NDUFA5: variants seen among roughly 807,000 people sequenced by gnomAD.
The protein encoded by NDUFA5 is NADH dehydrogenase [ubiquinone] 1 alpha subcomplex subunit 5.
In NDUFA5, 11 loss-of-function variants were observed where a neutral mutation model predicts 19.8. That is an observed-to-expected ratio of 0.56 (90% CI 0.35 to 0.92). NDUFA5 has a LOEUF of 0.92. Ranked by LOEUF, NDUFA5 falls within the 40% of genes least tolerant of loss-of-function variation. NDUFA5 has a pLI of 0.01. For missense variants in NDUFA5, 109 were observed against 134.2 expected (o/e 0.81, Z 0.93); for synonymous variants, 47 against 46.8 (o/e 1.00, Z -0.01).
At chr7:123,561,572 T>A (rs1798687907), upstream of NDUFA5, among the ~76,000 whole-genome samples, 1 of 151,578 alleles carries the variant, frequency 6.6e-6, no homozygotes, top group African/African-American at 2.4e-5. Flanking sequence ...AAACTCCTGT[T>A]AATATTGATA....
chr7:123,568,350 T>TAA, the NDUFA5 span, among the ~76,000 whole-genome samples: 1 of 143,024 alleles, frequency 7.0e-6, no homozygotes, highest in African/African-American at 2.6e-5. Context: ...CCATCTCTAC[T>TAA]AAAAAAAAAA....
rs551464392 is a variant in NDUFA5, at chr7:123,552,008, A to G, written c.67-1422T>C. On this transcript the variant is annotated intron_variant, in intron 2 of 4. Coordinates refer to ENST00000355749, the MANE Select transcript of NDUFA5 (RefSeq NM_005000.5). Reference sequence around the variant, plus strand: ...CAATAGGGTGGACACTTAGTTTATCATCCAAACTTGGACACTTATAACAGT... The same window carrying G: ...CAATAGGGTGGACACTTAGTTTATCGTCCAAACTTGGACACTTATAACAGT... Among the ~76,000 whole-genome samples the G allele has an allele frequency of 1.2e-4, 18 of 152,296 alleles. No individual in the cohort carries two copies. In the East Asian group the frequency reaches 3.3e-3, roughly 28 times the overall value.
the NDUFA5 span, among the ~76,000 whole-genome samples, chr7:123,584,065 A>T: frequency 6.6e-6 from 1 of 152,020 alleles, no homozygotes; most frequent in East Asian, 1.9e-4. Flanking sequence ...TGCTTTGGTG[A>T]GCTCTTCTAG....
chr7:123,562,675 C>T (rs1230309539), upstream of NDUFA5, among the ~76,000 whole-genome samples: 2 of 152,110 alleles, frequency 1.3e-5, no homozygotes, highest in African/African-American at 4.8e-5. Flanking sequence ...AGAGTCAGGG[C>T]CTTGCTCTGG....
At chr7:123,577,772 C>T in the NDUFA5 span, among the ~76,000 whole-genome samples, 2 of 152,066 alleles carry the variant, frequency 1.3e-5, no homozygotes, top group Non-Finnish European at 2.9e-5. Flanking sequence ...GCTCATGTTT[C>T]TTCATCTTAT....
the NDUFA5 span, among the ~76,000 whole-genome samples, chr7:123,566,257 C>A: frequency 6.6e-6 from 1 of 152,108 alleles, no homozygotes; most frequent in Non-Finnish European, 1.5e-5. Context: ...CCCAAACCAC[C>A]AGAAGTTAGG....
At chr7:123,562,798 CTT>C (rs35492926), upstream of NDUFA5, among the ~76,000 whole-genome samples, 53,428 of 135,592 alleles carry the variant, frequency 0.39, 9,723 homozygotes, top group South Asian at 0.46. Context: ...TTCTTTCTTT[CTT>C]TTTTTTTTTT....
intron 2 of NDUFA5, chr7:123,556,588 G>T: frequency 4.2e-6 from 1 of 236,638 alleles, no homozygotes; most frequent in Non-Finnish European, 8.4e-6. Flanking sequence ...GCGCATGATG[G>T]AAAAAGTGTC....
chr7:123,546,553 C>T, intron 3 of NDUFA5: 1 of 695,654 alleles, frequency 1.4e-6, no homozygotes, highest in Non-Finnish European at 2.0e-6. Flanking sequence ...GCTTTTTGAG[C>T]CAGAAATCAT....
chr7:123,570,328 G>A, the NDUFA5 span, among the ~76,000 whole-genome samples: 2 of 151,906 alleles, frequency 1.3e-5, no homozygotes, highest in Non-Finnish European at 2.9e-5. Flanking sequence ...GAGCCACCGC[G>A]CCCAGCCTGC....
the NDUFA5 span, among the ~76,000 whole-genome samples, chr7:123,591,619 T>C: frequency 2.8e-3 from 421 of 152,344 alleles, 3 homozygotes; most frequent in Non-Finnish European, 5.0e-3. Context: ...TTGTGTATAA[T>C]GAACCAGACT....
chr7:123,597,069 G>C, the NDUFA5 span, among the ~76,000 whole-genome samples: 1 of 152,130 alleles, frequency 6.6e-6, no homozygotes, highest in Non-Finnish European at 1.5e-5. Context: ...TCTTACACAC[G>C]GTTTTGCTTG....
At chr7:123,588,525 CT>C in the NDUFA5 span, among the ~76,000 whole-genome samples, 4 of 150,346 alleles carry the variant, frequency 2.7e-5, no homozygotes, top group African/African-American at 9.7e-5. Context: ...ATTTTCCTTT[CT>C]TTCTTTCTTT....
intron 2 of NDUFA5, among the ~76,000 whole-genome samples, chr7:123,550,830 T>C (rs1332643220): frequency 6.6e-6 from 1 of 152,196 alleles, no homozygotes; most frequent in African/African-American, 2.4e-5. Flanking sequence ...TATAACAAGT[T>C]CTAGATAAGT....
At chr7:123,594,808 C>T in the NDUFA5 span, among the ~76,000 whole-genome samples, 3 of 152,296 alleles carry the variant, frequency 2.0e-5, no homozygotes, top group Admixed American at 2.0e-4. Context: ...AGAACCACTG[C>T]TCTCTTCAGA....
chr7:123,572,421 G>C, the NDUFA5 span, among the ~76,000 whole-genome samples: 1 of 151,802 alleles, frequency 6.6e-6, no homozygotes, highest in African/African-American at 2.4e-5. Flanking sequence ...TTACAGGCAC[G>C]AGCCACCACG....
chr7:123,545,902 G>A, intron 3 of NDUFA5: 7 of 395,050 alleles, frequency 1.8e-5, no homozygotes, highest in South Asian at 7.2e-5. Flanking sequence ...GCTGATCAAG[G>A]GACAGAAATA....
chr7:123,568,292 C>A, the NDUFA5 span, among the ~76,000 whole-genome samples: 1 of 151,848 alleles, frequency 6.6e-6, no homozygotes, highest in Non-Finnish European at 1.5e-5. Flanking sequence ...GCGGGCAGAT[C>A]GCCTGAGGTT....
chr7:123,590,907 G>A, the NDUFA5 span, among the ~76,000 whole-genome samples: 44,692 of 151,960 alleles, frequency 0.29, 6,708 homozygotes, highest in East Asian at 0.4. Flanking sequence ...CCATTTTCAC[G>A]ATACTGATTC....
Sources: gnomAD v4.1 joint callset for allele counts (sites outside exome capture counted in the v4.1 genomes callset) on GRCh38, gnomAD v4.1.1 for gene constraint, MANE v1.5 for transcripts, NCBI Gene and HGNC (gene_info 2026-07-23, HGNC 2026-07-21) for gene names.